Variants in EYS observed in about 807,000 individuals in gnomAD.
EYS encodes the protein EGF-like photoreceptor maintenance factor, also known as protein eyes shut homolog.
EYS carries 250 observed loss-of-function variants against 282.1 expected under a neutral mutation model. The observed-to-expected ratio is 0.89, with a 90% CI of 0.80 to 0.98. EYS has a LOEUF of 0.98. EYS is among the 50% of genes least tolerant of loss of function. The pLI, the probability that EYS is intolerant of heterozygous loss-of-function variation, is 0.00. For synonymous variants in EYS, 1,355 were observed against 1,282.9 expected (o/e 1.06, Z -1.20); for missense variants, 4,016 against 3,709.0 (o/e 1.08, Z -2.15).
chr6:63,726,507 T>A lies in EYS; in HGVS notation c.8233+12A>T. ...GAATTCATTCTGCAAACAAACAGCC[T>A]GCCAATCTTACCTGATTGGGCTTTT... On this transcript the variant is annotated intron_variant, in intron 42 of 42. Transcript: ENST00000503581. 4.5e-6 allele frequency: 7 copies of A among 1,544,946 alleles called. No homozygotes were observed. Among genetic ancestry groups the A allele is most frequent in the Non-Finnish European group, 6.1e-6 (7 of 1,143,728 alleles).
chr6:63,811,666 A>G (rs142848647), intron 36 of EYS, among the ~76,000 whole-genome samples: 1 of 152,200 alleles, frequency 6.6e-6, no homozygotes, highest in East Asian at 1.9e-4. Context: ...GATAATGAAC[A>G]TATATTTGTA....
chr6:64,873,942 G>T (rs1343687629), intron 19 of EYS, among the ~76,000 whole-genome samples: 3 of 151,880 alleles, frequency 2.0e-5, no homozygotes, highest in Admixed American at 6.6e-5. Flanking sequence ...TGTCTTCAAA[G>T]CTCTTTGCTT....
chr6:65,357,485 G>A (rs1467106529), intron 8 of EYS, among the ~76,000 whole-genome samples: 1 of 151,912 alleles, frequency 6.6e-6, no homozygotes, highest in Non-Finnish European at 1.5e-5. Flanking sequence ...TAGAAGCCAA[G>A]GGAAAAGGGG....
In EYS at chr6:64,590,992, T is replaced by C; in HGVS notation, c.4875A>G (p.Glu1625=). 1 of 1,551,326 alleles carries C rather than the reference T, an allele frequency of 6.4e-7. No individual in the cohort carries two copies. The highest frequency in any genetic ancestry group is 8.7e-7 in the Non-Finnish European group (1 of 1,146,778). The change falls in exon 26 of 43, where the codon GAA becomes GAG. Residue 1625 remains glutamate, a synonymous_variant. Coordinates refer to ENST00000503581, the MANE Select transcript of EYS (RefSeq NM_001142800.2). ...TTTTAGAAGGAAATAAAGATGGCAC[T>C]TCTGTGAATGCCACTGATGGTGTTA... is the stretch of plus-strand genomic sequence containing the variant. ...TEITPSVAFT[E]VPSLFPSKKS...
intron 22 of EYS, among the ~76,000 whole-genome samples, chr6:64,634,931 G>A (rs1049400560): frequency 6.6e-6 from 1 of 152,200 alleles, no homozygotes; most frequent in East Asian, 1.9e-4. Context: ...CCATTTTCAC[G>A]ATATTGGTTC....
intron 28 of EYS, among the ~76,000 whole-genome samples, chr6:64,390,327 G>C (rs538270960): frequency 6.6e-6 from 1 of 152,266 alleles, no homozygotes; most frequent in Non-Finnish European, 1.5e-5. Context: ...GGCAGGGCAC[G>C]GACAAACAAA....
At position 64,103,340 on chromosome 6, in the gene EYS, A is replaced by G. The variant is rs1016969020; in HGVS notation, c.6425-21338T>C. Reference sequence around the variant, plus strand: ...TTCATTATAAAAATATTTCAAATGAACTTTTTTCAACGTGTGAGGGAGGAT... The same window carrying G: ...TTCATTATAAAAATATTTCAAATGAGCTTTTTTCAACGTGTGAGGGAGGAT... On this transcript the variant is annotated intron_variant, in intron 31 of 42. Coordinates refer to ENST00000503581, the MANE Select transcript of EYS (RefSeq NM_001142800.2). Among the ~76,000 whole-genome samples the G allele has an allele frequency of 3.9e-5, 6 of 152,296 alleles. No homozygotes were observed. In the East Asian group the frequency reaches 7.7e-4, roughly 20 times the overall value.
chr6:65,522,345 A>T (rs1767403921), intron 2 of EYS, among the ~76,000 whole-genome samples: 1 of 152,172 alleles, frequency 6.6e-6, no homozygotes, highest in East Asian at 1.9e-4. Flanking sequence ...TCATGCCTGT[A>T]ATCCCAGCAC....
At chr6:64,507,478 T>C (rs1777248174) in intron 26 of EYS, among the ~76,000 whole-genome samples, 1 of 152,188 alleles carries the variant, frequency 6.6e-6, no homozygotes, top group Non-Finnish European at 1.5e-5. Context: ...TAATGTAACA[T>C]AGAAGGGGCT....
intron 29 of EYS, among the ~76,000 whole-genome samples, chr6:64,344,820 C>A (rs1356493595): frequency 6.6e-6 from 1 of 152,104 alleles, no homozygotes; most frequent in African/African-American, 2.4e-5. Context: ...AGCCCAAAAT[C>A]TCTTTAAGCT....
At chr6:64,600,904 G>A (rs776240499) in intron 24 of EYS, among the ~76,000 whole-genome samples, 1 of 151,990 alleles carries the variant, frequency 6.6e-6, no homozygotes, top group Non-Finnish European at 1.5e-5. Flanking sequence ...CTTTCCTCAA[G>A]CCATTCTAAT....
intron 31 of EYS, among the ~76,000 whole-genome samples, chr6:64,166,640 C>A (rs1582371501): frequency 6.6e-6 from 1 of 152,148 alleles, no homozygotes; most frequent in East Asian, 1.9e-4. Flanking sequence ...CAGCTGTGTG[C>A]AGGGCCAGGG....
chr6:64,931,320 T>G (rs1768715826), intron 15 of EYS, among the ~76,000 whole-genome samples: 1 of 152,156 alleles, frequency 6.6e-6, no homozygotes, highest in Admixed American at 6.6e-5. Context: ...AGACTCTTCT[T>G]TACAATGTTT....
At chr6:64,108,326 T>C (rs1773097301) in intron 31 of EYS, among the ~76,000 whole-genome samples, 1 of 152,116 alleles carries the variant, frequency 6.6e-6, no homozygotes, top group Admixed American at 6.6e-5. Context: ...TATAATTCTC[T>C]GTATTCAGCT....
At chr6:64,270,604 T>A (rs1223858221) in intron 30 of EYS, among the ~76,000 whole-genome samples, 2 of 152,156 alleles carry the variant, frequency 1.3e-5, no homozygotes. Context: ...AAAAACCAAG[T>A]GACAGATTGA....
intron 14 of EYS, among the ~76,000 whole-genome samples, chr6:64,989,479 AT>A (rs1770982010): frequency 3.8e-5 from 5 of 132,964 alleles, no homozygotes; most frequent in African/African-American, 1.4e-4. Flanking sequence ...ATATATATAT[AT>A]ATATATAAGA....
At chr6:64,954,347 C>T (rs1472239685) in intron 14 of EYS, among the ~76,000 whole-genome samples, 1 of 151,828 alleles carries the variant, frequency 6.6e-6, no homozygotes, top group Non-Finnish European at 1.5e-5. Context: ...AAAAATAACT[C>T]ATCTGTCATT....
intron 22 of EYS, chr6:64,631,526 A>T (rs1582974639): frequency 6.6e-6 from 1 of 152,116 alleles, no homozygotes; most frequent in East Asian, 1.9e-4. Flanking sequence ...TTTATTTCAC[A>T]TTTATTAAGC....
intron 22 of EYS, among the ~76,000 whole-genome samples, chr6:64,690,186 T>G (rs1446045010): frequency 6.6e-6 from 1 of 152,016 alleles, no homozygotes. Flanking sequence ...CAGACACTTC[T>G]CGAAAGAAGA....
Sources: allele counts gnomAD v4.1 joint callset (sites outside exome capture counted in the v4.1 genomes callset), GRCh38; gene constraint gnomAD v4.1.1; transcripts MANE v1.5; gene names NCBI Gene and HGNC (gene_info 2026-07-23, HGNC 2026-07-21).